Variants in SDAD1 observed in about 807,000 individuals in gnomAD.
SDAD1 encodes the protein SDA1 domain containing 1, also known as protein SDA1 homolog.
A neutral mutation model predicts 100.3 loss-of-function variants in SDAD1; 79 were observed. The ratio of observed to expected loss-of-function variants is 0.79; its 90% confidence interval spans 0.66 to 0.95. The LOEUF is 0.95. Ranked by LOEUF, SDAD1 falls within the 40% of genes least tolerant of loss-of-function variation. The probability of loss-of-function intolerance (pLI) is 0.00; values close to 1 mark genes in which losing one functional copy is unlikely to be tolerated. For synonymous variants in SDAD1, 267 were observed against 271.4 expected (o/e 0.98, Z 0.16); for missense variants, 790 against 810.9 (o/e 0.97, Z 0.31).
intron 20 of SDAD1, among the ~76,000 whole-genome samples, chr4:75,956,581 C>A (rs757133576): frequency 2.0e-5 from 3 of 152,056 alleles, no homozygotes; most frequent in Non-Finnish European, 4.4e-5. Context: ...AGTGGAGATA[C>A]AGAAAATGAT....
At chr4:75,950,865 G>C (rs1235481983) in intron 21 of SDAD1, 68 bp from the exon 22 acceptor site, 30 of 1,054,152 alleles carry the variant, frequency 2.8e-5, no homozygotes, top group Non-Finnish European at 4.2e-5. Context: ...TTGGTTACAT[G>C]AAAGTTTACT....
Position 75,984,283 on chromosome 4 carries a change from T to A in SDAD1, c.91-2246A>T, listed in dbSNP as rs540611745. On this transcript the variant is annotated intron_variant, in intron 1 of 21. Transcript: ENST00000356260. ...CTCAAGAGGTCCTCCTGCCTCAGCC[T>A]CCTAAGTAGCTGGGACCACAGACGT... Among the ~76,000 whole-genome samples, 3 of 152,106 alleles carry A rather than the reference T, an allele frequency of 2.0e-5. No homozygotes were observed. In the South Asian group the frequency reaches 6.2e-4, roughly 32 times the overall value.
Position 75,957,670 on chromosome 4 carries a change from C to T in SDAD1, c.1617G>A (p.Lys539=), listed in dbSNP as rs751726901. 11 of 1,614,086 alleles carry T rather than the reference C, an allele frequency of 6.8e-6. No homozygotes were observed. The highest frequency in any genetic ancestry group is 9.3e-6 in the Non-Finnish European group (11 of 1,180,046). ...TAGTGCTGATGGCTGCAGCTTTGGC[C>T]TTCCGCTCCTCCATGGGCATGCTGT... ...KLNSMPMEER[K]AKAAAISTSR... Residue 539 remains lysine (K), a synonymous_variant, in exon 19 of 22, where the codon AAG becomes AAA. Transcript: ENST00000356260.
Position 75,957,328 on chromosome 4 carries a change from T to C in SDAD1, c.1851A>G (p.Ala617=). The C allele has an allele frequency of 1.9e-6, 3 of 1,613,434 alleles. No individual in the cohort carries two copies. The highest frequency in any genetic ancestry group is 1.7e-6 in the Non-Finnish European group (2 of 1,179,458). ...KSDKETRLAT[A]MAGKTDRKEF... ...TAGGAATGATATGCTCACTCACCAT[T>C]GCAGTTGCTAGTCTTGTCTCTTTGT... Residue 617 remains alanine (A), a synonymous_variant, in exon 20 of 22, where the codon GCA becomes GCG. Coordinates refer to ENST00000356260, the MANE Select transcript of SDAD1 (RefSeq NM_018115.4).
intron 1 of SDAD1, among the ~76,000 whole-genome samples, chr4:75,982,606 G>C (rs1730602337): frequency 6.6e-6 from 1 of 152,002 alleles, no homozygotes; most frequent in African/African-American, 2.4e-5. Context: ...CTATGATCAT[G>C]CCACTGCACT....
Position 75,964,196 on chromosome 4 carries a change from G to C in SDAD1, c.1120C>G (p.Leu374Val). The change falls in exon 14 of 22, where the codon CTT becomes GTT. Residue 374 changes from leucine (L) to valine (V), a missense_variant. Transcript: ENST00000356260. ...LVPPEIIQSL[L>V]MTVANNFVTD... ...ACAAAATTGTTTGCCACAGTCATAA[G>C]CAATGATTGAATAATCTGAATTGGA... is the stretch of plus-strand genomic sequence containing the variant. 1 of 1,607,302 alleles carries C rather than the reference G, an allele frequency of 6.2e-7. No individual in the cohort carries two copies. Among genetic ancestry groups the C allele is most frequent in the Non-Finnish European group, 8.5e-7 (1 of 1,177,108 alleles).
At chr4:75,986,557 C>A (rs1730907143) in intron 1 of SDAD1, among the ~76,000 whole-genome samples, 1 of 152,148 alleles carries the variant, frequency 6.6e-6, no homozygotes, top group African/African-American at 2.4e-5. Context: ...CCATCTAAGG[C>A]TAGCCCCTCC....
rs1486729936 is a variant in SDAD1 at position 75,972,913 on chromosome 4, C to T, written c.711+404G>A. On this transcript the variant is annotated intron_variant, in intron 8 of 21. Transcript: ENST00000356260. ...GCGGGTGCCTGTAGTCCCAGCTACT[C>T]GGGAGGCTGAGGCAGGAGAACGGCA... Among the ~76,000 whole-genome samples the T allele has an allele frequency of 5.3e-5, 8 of 151,652 alleles. 1 individual carries two copies. The South Asian group carries it at 1.7e-3, about 32-fold the overall frequency.
intron 6 of SDAD1, 36 bp from the exon 7 acceptor site, chr4:75,974,169 T>G (rs941714802): frequency 6.5e-7 from 1 of 1,549,414 alleles, no homozygotes; most frequent in Admixed American, 1.7e-5. Flanking sequence ...AAGTAAATTT[T>G]CATTCTACTG....
chr4:75,954,530 G>A (rs369515824), intron 21 of SDAD1, among the ~76,000 whole-genome samples: 39 of 151,880 alleles, frequency 2.6e-4, no homozygotes, highest in East Asian at 5.8e-4. Flanking sequence ...AAAATTAGCC[G>A]GGTGTGGTGG....
chr4:75,977,538 T>C, intron 4 of SDAD1, 108 bp downstream of exon 4: 1 of 760,158 alleles, frequency 1.3e-6, no homozygotes, highest in Non-Finnish European at 2.3e-6. Context: ...GGTTGCTTTT[T>C]CCTGTTAAAG....
At chr4:75,981,185 G>T (rs1195452337) in intron 3 of SDAD1, among the ~76,000 whole-genome samples, 187 bp downstream of exon 3, 1 of 152,184 alleles carries the variant, frequency 6.6e-6, no homozygotes, top group Non-Finnish European at 1.5e-5. Context: ...TTTTGAGCCA[G>T]GTTATTAAGT....
chr4:75,951,048 T>G (rs941463798), intron 21 of SDAD1, among the ~76,000 whole-genome samples: 2 of 152,184 alleles, frequency 1.3e-5, no homozygotes, highest in African/African-American at 4.8e-5. Flanking sequence ...GGAGCAGCTA[T>G]GGAATGCAGA....
chr4:75,958,598 ACATAAC>A (rs898728726), intron 17 of SDAD1, among the ~76,000 whole-genome samples: 42 of 152,302 alleles, frequency 2.8e-4, no homozygotes, highest in African/African-American at 9.6e-4. Context: ...TCTGGCATAT[ACATAAC>A]CAAGTATGAA....
In SDAD1 at chr4:75,965,557, C is replaced by T. The variant is rs146019829; in HGVS notation, c.1104+207G>A. 5.9e-3 allele frequency among the ~76,000 whole-genome samples: 899 copies of T among 152,156 alleles called. 21 individuals carry two copies. The highest frequency in any genetic ancestry group is 0.02 in the African/African-American group (844 of 41,496). On this transcript the variant is annotated intron_variant, in intron 13 of 21. Transcript: ENST00000356260. ...GCTTGTGGGGCATCACAGAACCTGC[C>T]GACATGTGATGTCTCCCCTGGACGC...
At chr4:75,981,863 G>T in intron 2 of SDAD1, 70 bp downstream of exon 2, 1 of 1,074,460 alleles carries the variant, frequency 9.3e-7, no homozygotes, top group Non-Finnish European at 1.4e-6. Context: ...ATAAGGTTGA[G>T]TATTAGTGAA....
intron 17 of SDAD1, 40 bp downstream of exon 17, chr4:75,960,026 G>A: frequency 6.3e-7 from 1 of 1,586,734 alleles, no homozygotes; most frequent in South Asian, 1.2e-5. Context: ...AGATACTGCA[G>A]GAGTGTTTTG....
At chr4:75,967,214 A>G in intron 12 of SDAD1, 63 bp downstream of exon 12, 1 of 1,479,734 alleles carries the variant, frequency 6.8e-7, no homozygotes, top group South Asian at 1.1e-5. Context: ...TCCAGAACAA[A>G]AGACTTTGCA....
chr4:75,967,206 C>A, intron 12 of SDAD1, 71 bp downstream of exon 12: 1 of 1,418,792 alleles, frequency 7.0e-7, no homozygotes, highest in Non-Finnish European at 1.0e-6. Context: ...TTAGTGATTC[C>A]AGAACAAAAG....
Sources: allele counts gnomAD v4.1 joint callset (sites outside exome capture counted in the v4.1 genomes callset), GRCh38; gene constraint gnomAD v4.1.1; transcripts MANE v1.5; gene names NCBI Gene and HGNC (gene_info 2026-07-23, HGNC 2026-07-21).